Variants in CACNB4 observed in about 807,000 individuals in gnomAD.
The protein encoded by CACNB4 is calcium voltage-gated channel auxiliary subunit beta 4, also known as voltage-dependent L-type calcium channel subunit beta-4.
Under a neutral mutation model 71.2 loss-of-function variants are expected in CACNB4, and 32 were observed. The observed-to-expected ratio is 0.45, with a 90% CI of 0.34 to 0.60. The LOEUF is 0.60. Ranked by LOEUF, CACNB4 falls within the 20% of genes least tolerant of loss-of-function variation. The pLI is 0.01. For missense variants in CACNB4, 464 were observed against 647.9 expected, an observed-to-expected ratio of 0.72 and a Z score of 3.08; for synonymous variants, 231 against 236.9, an observed-to-expected ratio of 0.97 and a Z score of 0.23.
intron 2 of CACNB4, among the ~76,000 whole-genome samples, chr2:152,004,676 T>C (rs1309472038): frequency 1.3e-5 from 2 of 152,138 alleles, no homozygotes; most frequent in Non-Finnish European, 2.9e-5. Flanking sequence ...GAGTCCCTTC[T>C]AGTTTTCCTG....
intron 2 of CACNB4, among the ~76,000 whole-genome samples, chr2:151,918,704 G>A (rs1040474343): frequency 1.3e-5 from 2 of 152,194 alleles, no homozygotes; most frequent in African/African-American, 4.8e-5. Context: ...GATTGTGTGC[G>A]TACTGCTACA....
In CACNB4 at chr2:152,048,922, G is replaced by A. The variant is rs925064572; in HGVS notation, c.147+49408C>T. 4 of 152,308 alleles carry A rather than the reference G, an allele frequency of 2.6e-5. 1 individual carries two copies. The South Asian group carries it at 8.3e-4, about 32-fold the overall frequency. 9.4% of individuals were successfully genotyped at this position (152,308 alleles called of 1,614,324 possible). A position where few individuals can be genotyped will look rare whatever the true frequency, so the allele number is the denominator to read the frequency against. On this transcript the variant is annotated intron_variant, in intron 2 of 13. Transcript: ENST00000539935. ...AGGCAGAAGAACCAAAGAAAGCACT[G>A]GAATACTCTCAGGTGACTGTATGGT... is the stretch of plus-strand genomic sequence containing the variant.
chr2:152,098,233 C>A lies in CACNB4; in HGVS notation c.147+97G>T. 1 of 943,780 alleles carries A rather than the reference C, an allele frequency of 1.1e-6. No homozygotes were observed. The highest frequency in any genetic ancestry group is 1.4e-5 in the South Asian group (1 of 71,210). The allele number at this position is 943,780 out of a possible 1,614,324, so 58.5% of individuals were successfully genotyped here. On this transcript the variant is annotated intron_variant, in intron 2 of 13. Transcript: ENST00000539935. This position sits in a 1 kb window ranked among gnomAD's most constrained non-coding sequence, Gnocchi z 5.3. Reference sequence around the variant, plus strand: ...GGAAGAGACGCGCGCGGGCTTGACCCGCAGCTCCCGCACGTGTGGGCCACG... The same window carrying A: ...GGAAGAGACGCGCGCGGGCTTGACCAGCAGCTCCCGCACGTGTGGGCCACG...
In CACNB4 at chr2:152,055,810, A is replaced by G. The variant is rs545401684; in HGVS notation, c.147+42520T>C. ...AGGAACTCTAACCTCTGAAATTTTC[A>G]AACTTTGACTACTAAGGAGGAAGGA... On this transcript the variant is annotated intron_variant, in intron 2 of 13. Coordinates refer to ENST00000539935, the MANE Select transcript of CACNB4 (RefSeq NM_000726.5). Among the ~76,000 whole-genome samples the G allele has an allele frequency of 3.3e-5, 5 of 152,302 alleles. No homozygotes were observed. In the South Asian group the frequency reaches 1.0e-3, roughly 32 times the overall value.
chr2:152,012,524 A>G (rs1261905600), intron 2 of CACNB4, among the ~76,000 whole-genome samples: 1 of 151,638 alleles, frequency 6.6e-6, no homozygotes, highest in Non-Finnish European at 1.5e-5. Context: ...GAATTGCTTG[A>G]ACCCGGGAGG....
At chr2:152,073,186 C>T (rs988451934) in intron 2 of CACNB4, among the ~76,000 whole-genome samples, 3 of 152,070 alleles carry the variant, frequency 2.0e-5, no homozygotes, top group Non-Finnish European at 4.4e-5. Context: ...GTGCAGTTGG[C>T]AGAGAGAATA....
intron 2 of CACNB4, among the ~76,000 whole-genome samples, chr2:152,085,907 A>T (rs189410682): frequency 3.8e-4 from 58 of 152,226 alleles, no homozygotes; most frequent in African/African-American, 1.3e-3. Context: ...TTTATATTAC[A>T]TTTATTATAC....
rs542568459 is a variant in CACNB4 at position 151,839,205 on chromosome 2, G to C, written c.1477C>G (p.Pro493Ala). The C allele has an allele frequency of 1.9e-6, 3 of 1,613,542 alleles. No homozygotes were observed. The highest frequency in any genetic ancestry group is 2.5e-6 in the Non-Finnish European group (3 of 1,179,564). Reference sequence around the variant, plus strand: ...TTGTAAGTGTCCTGGTATGAGTCAGGGTAATCTTCTTCCACAAGAGGGTAA... The same window carrying C: ...TTGTAAGTGTCCTGGTATGAGTCAGCGTAATCTTCTTCCACAAGAGGGTAA... Reference protein sequence around the residue: ...DHYPLVEEDYPDSYQDTYKPH... With the variant: ...DHYPLVEEDYADSYQDTYKPH... Residue 493 changes from proline to alanine, a missense_variant, in exon 14 of 14, where the codon CCT becomes GCT. Around this residue, in one of 3 missense-constraint regions of CACNB4, gnomAD observed 115 missense variants for 128.8 expected, o/e 0.89. Coordinates refer to ENST00000539935, the MANE Select transcript of CACNB4 (RefSeq NM_000726.5).
rs148075305 is a variant in CACNB4, at chr2:152,027,490, T to G, written c.147+70840A>C. Among the ~76,000 whole-genome samples, 174 of 152,168 alleles carry G rather than the reference T, an allele frequency of 1.1e-3. 1 individual carries two copies. The highest frequency in any genetic ancestry group is 4.0e-3 in the African/African-American group (165 of 41,532). ...GTTTTCAAGCTCCTCCCCTGCCACCTCCCCTCCTGACTCACACCAAGGGAA... is the reference window on the plus strand; with the variant it reads ...GTTTTCAAGCTCCTCCCCTGCCACCGCCCCTCCTGACTCACACCAAGGGAA... On this transcript the variant is annotated intron_variant, in intron 2 of 13. Transcript: ENST00000539935.
At chr2:151,926,785 GTGCTCTTC>G (rs1319061870) in intron 2 of CACNB4, among the ~76,000 whole-genome samples, 2 of 152,160 alleles carry the variant, frequency 1.3e-5, no homozygotes, top group African/African-American at 2.4e-5. Flanking sequence ...TCATGTGACT[GTGCTCTTC>G]TGCTCTACAA....
intron 2 of CACNB4, among the ~76,000 whole-genome samples, chr2:152,026,544 G>A (rs555177381): frequency 1.6e-4 from 25 of 151,918 alleles, no homozygotes; most frequent in African/African-American, 5.3e-4. Flanking sequence ...GCCACCACGC[G>A]CAGCTAATTT....
At chr2:152,085,966 G>T in intron 2 of CACNB4, among the ~76,000 whole-genome samples, 1 of 151,936 alleles carries the variant, frequency 6.6e-6, no homozygotes, top group East Asian at 1.9e-4. Flanking sequence ...ACATACCAAG[G>T]TCCTTGTTTT....
intron 2 of CACNB4, among the ~76,000 whole-genome samples, chr2:152,090,103 G>A (rs956692266): frequency 6.6e-6 from 1 of 152,232 alleles, no homozygotes; most frequent in African/African-American, 2.4e-5. Flanking sequence ...GCCAAGCTTT[G>A]AGGAAGATGA....
chr2:151,976,291 C>G (rs1232798337), intron 2 of CACNB4, among the ~76,000 whole-genome samples: 1 of 152,262 alleles, frequency 6.6e-6, no homozygotes, highest in Admixed American at 6.5e-5. Flanking sequence ...CCTTATCTGG[C>G]CTTTTAGTGC....
intron 9 of CACNB4, chr2:151,868,771 GACAC>G (rs58785929): frequency 0.7 from 104,243 of 148,410 alleles, 39,561 homozygotes; most frequent in Non-Finnish European, 0.85. Flanking sequence ...GCTTTCATAT[GACAC>G]ACACACACAC....
At chr2:151,945,137 G>A (rs180884387) in intron 2 of CACNB4, among the ~76,000 whole-genome samples, 1 of 152,304 alleles carries the variant, frequency 6.6e-6, no homozygotes, top group East Asian at 1.9e-4. Flanking sequence ...GTGTCTCAAT[G>A]TATTTGTTTG....
chr2:152,061,181 A>T (rs565476210), intron 2 of CACNB4, among the ~76,000 whole-genome samples: 1 of 152,028 alleles, frequency 6.6e-6, no homozygotes, highest in South Asian at 2.1e-4. Context: ...ATGGTGGCAC[A>T]TGCCTGTAGC....
At chr2:151,955,855 T>C (rs887366687) in intron 2 of CACNB4, among the ~76,000 whole-genome samples, 5 of 151,822 alleles carry the variant, frequency 3.3e-5, no homozygotes, top group African/African-American at 9.7e-5. Context: ...TGAGCCATGA[T>C]TGCACTACTG....
At chr2:152,095,446 T>C (rs1222229658) in intron 2 of CACNB4, among the ~76,000 whole-genome samples, 2 of 150,788 alleles carry the variant, frequency 1.3e-5, no homozygotes, top group Admixed American at 6.6e-5. Flanking sequence ...ACACATCGAT[T>C]TTTTTTTTAA....
Sources: gnomAD v4.1 joint callset for allele counts (sites outside exome capture counted in the v4.1 genomes callset) on GRCh38, gnomAD v4.1.1 for gene constraint, gnomAD v4.1.1 regional missense constraint, Gnocchi (gnomAD v3.1) non-coding constraint, MANE v1.5 for transcripts, NCBI Gene and HGNC (gene_info 2026-07-23, HGNC 2026-07-21) for gene names.